ZNF385D: variants seen among roughly 807,000 people sequenced by gnomAD.
The protein encoded by ZNF385D is zinc finger protein 659.
Under a neutral mutation model 35.8 loss-of-function variants are expected in ZNF385D, and 15 were observed. The observed-to-expected ratio is 0.42, with a 90% CI of 0.28 to 0.64. The LOEUF (loss-of-function observed/expected upper bound fraction) is 0.64. Among genes scored for constraint, ZNF385D ranks in the 30% least tolerant of loss-of-function variants. The pLI, the probability that ZNF385D is intolerant of heterozygous loss-of-function variation, is 0.23. For synonymous variants in ZNF385D, 212 were observed against 186.8 expected (o/e 1.13, Z -1.10); for missense variants, 474 against 494.6 (o/e 0.96, Z 0.39).
At chr3:22,334,898 G>T (rs991132387) in intron 2 of ZNF385D, among the ~76,000 whole-genome samples, 1 of 151,736 alleles carries the variant, frequency 6.6e-6, no homozygotes, top group African/African-American at 2.4e-5. Flanking sequence ...TTACTTCTTG[G>T]ATTTCTCATA....
intron 1 of ZNF385D, among the ~76,000 whole-genome samples, chr3:21,742,930 G>C (rs1398599063): frequency 1.3e-5 from 2 of 152,190 alleles, no homozygotes; most frequent in African/African-American, 4.8e-5. Context: ...ATGAGTTGGA[G>C]AAAAAGAAAT....
intron 1 of ZNF385D, among the ~76,000 whole-genome samples, chr3:21,704,886 T>C (rs2067842225): frequency 6.6e-6 from 1 of 152,196 alleles, no homozygotes; most frequent in Admixed American, 6.5e-5. Context: ...TAAGTACTTG[T>C]TATAAGCTTA....
chr3:22,022,008 T>A (rs1179138847), intron 3 of ZNF385D, among the ~76,000 whole-genome samples: 1 of 152,076 alleles, frequency 6.6e-6, no homozygotes, highest in African/African-American at 2.4e-5. Flanking sequence ...CACAGAGGAT[T>A]ACAGAATAAA....
chr3:21,915,083 T>C (rs989330629), intron 3 of ZNF385D, among the ~76,000 whole-genome samples: 5 of 148,906 alleles, frequency 3.4e-5, no homozygotes, highest in African/African-American at 1.2e-4. Context: ...AAAAAAAGAG[T>C]TGGATTTTTT....
chr3:21,533,253 C>T (rs924653358), intron 3 of ZNF385D, among the ~76,000 whole-genome samples: 8 of 151,920 alleles, frequency 5.3e-5, no homozygotes, highest in African/African-American at 1.9e-4. Flanking sequence ...GTCACTTCAT[C>T]ATTGGCCCGT....
At chr3:21,859,556 G>A (rs539657549) in intron 3 of ZNF385D, among the ~76,000 whole-genome samples, 2 of 152,040 alleles carry the variant, frequency 1.3e-5, no homozygotes, top group South Asian at 2.1e-4. Flanking sequence ...AGAGAAAACA[G>A]CATGTCTCAT....
chr3:22,283,340 A>T (rs910992184), intron 2 of ZNF385D, among the ~76,000 whole-genome samples: 1 of 152,130 alleles, frequency 6.6e-6, no homozygotes, highest in Non-Finnish European at 1.5e-5. Context: ...GACCTAACAG[A>T]TATTTACAGA....
At chr3:22,254,036 T>C (rs938018332) in intron 2 of ZNF385D, among the ~76,000 whole-genome samples, 5 of 151,996 alleles carry the variant, frequency 3.3e-5, no homozygotes, top group Admixed American at 6.6e-5. Context: ...TATTCTTGTA[T>C]GTTAAAGAAA....
intron 2 of ZNF385D, among the ~76,000 whole-genome samples, chr3:22,312,612 C>G (rs954510782): frequency 4.6e-5 from 7 of 152,094 alleles, no homozygotes; most frequent in Admixed American, 4.6e-4. Flanking sequence ...AGACACTTCT[C>G]AAAAGAAGAC....
intron 2 of ZNF385D, among the ~76,000 whole-genome samples, chr3:21,627,130 TTAAATA>T (rs1559470964): frequency 6.6e-6 from 1 of 151,984 alleles, no homozygotes; most frequent in South Asian, 2.1e-4. Context: ...TCTTTTGGTG[TTAAATA>T]TATTTTTAAA....
chr3:21,873,583 C>G (rs1054754068), intron 3 of ZNF385D, among the ~76,000 whole-genome samples: 3 of 152,068 alleles, frequency 2.0e-5, no homozygotes, highest in African/African-American at 7.2e-5. Context: ...ATCTGCAGAA[C>G]TTTTGCATCC....
intron 3 of ZNF385D, among the ~76,000 whole-genome samples, chr3:21,984,773 C>A (rs375509520): frequency 8.4e-6 from 1 of 119,668 alleles, no homozygotes; most frequent in South Asian, 3.9e-4. Flanking sequence ...GCCATTTTCA[C>A]GATATTGATT....
chr3:21,911,020 T>C (rs1013439242), intron 3 of ZNF385D, among the ~76,000 whole-genome samples: 5 of 151,910 alleles, frequency 3.3e-5, no homozygotes, highest in Non-Finnish European at 7.4e-5. Flanking sequence ...TGTGGTTGCA[T>C]TGGTGCTGAT....
In ZNF385D at chr3:22,368,735, C is replaced by G. The variant is rs574801711; in HGVS notation, c.106+3715G>C. ...AGGGGCTCTACCCTTATAACCTCAT[C>G]TAACCCGAATCATTTCTCAAAGGCT... On this transcript the variant is annotated intron_variant, in intron 2 of 5. Coordinates refer to the ZNF385D transcript ENST00000494108. 2.6e-5 allele frequency among the ~76,000 whole-genome samples: 4 copies of G among 152,290 alleles called. No individual in the cohort carries two copies. In the East Asian group the frequency reaches 5.8e-4, roughly 22 times the overall value.
chr3:22,204,411 T>G (rs944039462), intron 2 of ZNF385D, among the ~76,000 whole-genome samples: 1 of 152,024 alleles, frequency 6.6e-6, no homozygotes, highest in African/African-American at 2.4e-5. Context: ...AATCCCAGAT[T>G]GTGAAAACTA....
intron 2 of ZNF385D, among the ~76,000 whole-genome samples, chr3:22,236,727 C>T (rs1473998570): frequency 6.6e-6 from 1 of 152,088 alleles, no homozygotes; most frequent in Non-Finnish European, 1.5e-5. Context: ...CTATGTCTAG[C>T]CCCCGGCAAC....
intron 1 of ZNF385D, among the ~76,000 whole-genome samples, chr3:21,706,485 A>G (rs1015913783): frequency 6.6e-6 from 1 of 152,208 alleles, no homozygotes; most frequent in African/African-American, 2.4e-5. Context: ...CAATTTGAGG[A>G]GACAAAAGTG....
intron 2 of ZNF385D, among the ~76,000 whole-genome samples, chr3:22,177,568 C>G (rs1312075684): frequency 2.6e-5 from 4 of 152,070 alleles, no homozygotes; most frequent in Non-Finnish European, 5.9e-5. Flanking sequence ...ATAATGTAGG[C>G]TAGACTGACT....
chr3:21,514,739 AGTCTT>A (rs1394187791), intron 3 of ZNF385D, among the ~76,000 whole-genome samples: 58 of 151,918 alleles, frequency 3.8e-4, no homozygotes, highest in African/African-American at 1.3e-3. Context: ...AGAGCCCTGG[AGTCTT>A]ATTAAACCTT....
Sources: gnomAD v4.1 joint callset for allele counts (sites outside exome capture counted in the v4.1 genomes callset) on GRCh38, gnomAD v4.1.1 for gene constraint, MANE v1.5 for transcripts, NCBI Gene and HGNC (gene_info 2026-07-23, HGNC 2026-07-21) for gene names.